KDSR: variants seen among roughly 807,000 people sequenced by gnomAD.
KDSR encodes the protein 3-ketodihydrosphingosine reductase, also known as 3-dehydrosphinganine reductase.
In KDSR, 23 loss-of-function variants were observed where a neutral mutation model predicts 41.3. The ratio of observed to expected loss-of-function variants is 0.56; its 90% CI spans 0.40 to 0.79. The LOEUF is 0.79. Ranked by LOEUF, KDSR falls within the 30% of genes least tolerant of loss-of-function variation. The pLI, the probability that KDSR is intolerant of heterozygous loss-of-function variation, is 0.00. For synonymous variants in KDSR, 138 were observed against 151.7 expected, an observed-to-expected ratio of 0.91 and a Z score of 0.66; for missense variants, 351 against 416.8, an observed-to-expected ratio of 0.84 and a Z score of 1.37.
In KDSR at chr18:63,329,397, A is replaced by G. The variant is rs1913905489; in HGVS notation, c.*2385T>C. The stretch of plus-strand genomic sequence containing the variant: ...TGAAGTAGCATAAATATAAAGTACA[A>G]TACTCTCACATCAGTTCAAGTCAGA... On this transcript the variant is annotated 3_prime_UTR_variant, in exon 10 of 10. Transcript: ENST00000645214. 1 of 209,154 alleles carries G rather than the reference A, an allele frequency of 4.8e-6. No individual in the cohort carries two copies. Among genetic ancestry groups the G allele is most frequent in the Non-Finnish European group, 9.7e-6 (1 of 102,808 alleles). 13.0% of individuals were successfully genotyped at this position (209,154 alleles called of 1,614,324 possible).
chr18:63,357,571 C>T (rs1317883539), intron 3 of KDSR, among the ~76,000 whole-genome samples: 12 of 128,600 alleles, frequency 9.3e-5, no homozygotes, highest in East Asian at 6.8e-4. Flanking sequence ...TACATACATA[C>T]ATATATATAT....
chr18:63,355,499 T>A lies in KDSR; in HGVS notation c.320A>T (p.Gln107Leu). 1 of 1,613,014 alleles carries A rather than the reference T, an allele frequency of 6.2e-7. No homozygotes were observed. Among genetic ancestry groups the A allele is most frequent in the Non-Finnish European group, 8.5e-7 (1 of 1,179,778 alleles). The change falls in exon 4 of 10, where the codon CAA (glutamine) becomes CTA (leucine). Residue 107 changes from glutamine to leucine, a missense_variant and splice_region_variant. Gln to Leu is a moderately radical substitution (Grantham distance 113). Coordinates refer to ENST00000645214, the MANE Select transcript of KDSR (RefSeq NM_002035.4). ...ATTCCAATTAGCCCAACCTCTTACT[T>A]GTTTTATGACATTCTCTACTTGGTT... ...DYNQVENVIK[Q>L]AQEKLGPVDM... is the part of the protein sequence containing the mutation.
rs540027389 is a variant in KDSR, at chr18:63,328,940, A to G, written c.*2842T>C. ...AGGCCAACATTTAAACTGAATGATA[A>G]TTAAACGTTTACTACCATAGGTAAT... is the stretch of plus-strand genomic sequence containing the variant. On this transcript the variant is annotated 3_prime_UTR_variant, in exon 10 of 10. Coordinates refer to ENST00000645214, the MANE Select transcript of KDSR (RefSeq NM_002035.4). The G allele has an allele frequency of 7.8e-5, 15 of 192,482 alleles. No homozygotes were observed. The East Asian group carries it at 1.2e-3, about 16-fold the overall frequency. 11.9% of individuals were successfully genotyped at this position (192,482 alleles called of 1,614,324 possible). A position where few individuals can be genotyped will look rare whatever the true frequency, so the allele number is the denominator to read the frequency against.
intron 1 of KDSR, among the ~76,000 whole-genome samples, chr18:63,365,169 C>T (rs998863882): frequency 2.0e-5 from 3 of 152,254 alleles, no homozygotes; most frequent in Admixed American, 6.5e-5. Context: ...CGCGATGGCT[C>T]GCGCCTGTAA....
chr18:63,339,277 G>C (rs1334525139), intron 7 of KDSR, among the ~76,000 whole-genome samples: 1 of 152,166 alleles, frequency 6.6e-6, no homozygotes, highest in African/African-American at 2.4e-5. Flanking sequence ...GAGCAAGCCT[G>C]CTCCCAAGAC....
chr18:63,355,392 T>C (rs1479211251), intron 4 of KDSR, 93 bp from the exon 5 acceptor site: 1 of 1,605,610 alleles, frequency 6.2e-7, no homozygotes, highest in Non-Finnish European at 8.5e-7. Flanking sequence ...TACAAAACTA[T>C]TAAACCTATA....
In KDSR at chr18:63,354,598, G is replaced by T. The variant is rs556815789; in HGVS notation, c.417+606C>A. Among the ~76,000 whole-genome samples the T allele has an allele frequency of 2.0e-5, 3 of 152,266 alleles. No homozygotes were observed. In the East Asian group the frequency reaches 5.8e-4, roughly 29 times the overall value. On this transcript the variant is annotated intron_variant, in intron 5 of 9. Transcript: ENST00000645214. ...CAGGAGAATCACTTGAACTTGAGAG[G>T]TGGAGGTTGCAGTGAGCTGAGATCA...
At chr18:63,339,780 T>C (rs561683698) in intron 7 of KDSR, among the ~76,000 whole-genome samples, 1 of 152,314 alleles carries the variant, frequency 6.6e-6, no homozygotes, top group East Asian at 1.9e-4. Context: ...TGCTCAAAAA[T>C]TATTTCAGTT....
At chr18:63,355,601 G>T (rs747205492) in intron 3 of KDSR, 38 bp from the exon 4 acceptor site, 1 of 1,526,626 alleles carries the variant, frequency 6.6e-7, no homozygotes, top group Non-Finnish European at 8.7e-7. Context: ...AGTTTTGCAG[G>T]TACCAAACTA....
At chr18:63,338,959 C>T (rs999563861) in intron 7 of KDSR, 76 bp from the exon 8 acceptor site, 1 of 829,000 alleles carries the variant, frequency 1.2e-6, no homozygotes, top group Admixed American at 2.8e-5. Context: ...CTTACAGCCT[C>T]CTGATTTACA....
intron 2 of KDSR, 44 bp from the exon 3 acceptor site, chr18:63,359,836 G>T: frequency 2.3e-6 from 3 of 1,311,538 alleles, no homozygotes; most frequent in Non-Finnish European, 3.3e-6. Context: ...CCGTCTATAT[G>T]CATGTCCGTT....
At position 63,338,869 on chromosome 18, in the gene KDSR, T is replaced by C; in HGVS notation, c.708A>G (p.Arg236=). The part of the protein sequence containing the change: ...EENRTKPLET[R]LISETTSVCK... ...ACACAGATGTGGTCTCTGAAATAAGTCGAGTCTCCAAAGGCTAAAAGTGGA... is the reference window on the plus strand; with the variant it reads ...ACACAGATGTGGTCTCTGAAATAAGCCGAGTCTCCAAAGGCTAAAAGTGGA... The change falls in exon 8 of 10, where the codon CGA becomes CGG. Residue 236 remains arginine (R), a synonymous_variant. Coordinates refer to ENST00000645214, the MANE Select transcript of KDSR (RefSeq NM_002035.4). The C allele has an allele frequency of 6.2e-7, 1 of 1,605,526 alleles. No individual in the cohort carries two copies. The highest frequency in any genetic ancestry group is 1.7e-4 in the Middle Eastern group (1 of 6,038).
chr18:63,343,946 G>A (rs1275694805), intron 7 of KDSR, among the ~76,000 whole-genome samples: 1 of 152,168 alleles, frequency 6.6e-6, no homozygotes, highest in Non-Finnish European at 1.5e-5. Flanking sequence ...GGAGGCTGAG[G>A]AGGGAGGATC....
In KDSR at chr18:63,352,388, C is replaced by A. The variant is rs561641446; in HGVS notation, c.418-1309G>T. Among the ~76,000 whole-genome samples, 5 of 152,266 alleles carry A rather than the reference C, an allele frequency of 3.3e-5. No homozygotes were observed. In the East Asian group the frequency reaches 9.7e-4, roughly 29 times the overall value. ...GGAGTACAGTGGTGTGATCTTGGCTCACTGTAACCTCTGCCTCCTGGGTTC... is the reference window on the plus strand; with the variant it reads ...GGAGTACAGTGGTGTGATCTTGGCTAACTGTAACCTCTGCCTCCTGGGTTC... On this transcript the variant is annotated intron_variant, in intron 5 of 9. Coordinates refer to ENST00000645214, the MANE Select transcript of KDSR (RefSeq NM_002035.4).
In KDSR at chr18:63,328,443, C is replaced by T. The variant is rs921701605; in HGVS notation, c.*3339G>A. 4 of 155,522 alleles carry T rather than the reference C, an allele frequency of 2.6e-5. No homozygotes were observed. The Admixed American group carries it at 2.6e-4, about 10-fold the overall frequency. 9.6% of individuals were successfully genotyped at this position (155,522 alleles called of 1,614,324 possible). The stretch of plus-strand genomic sequence containing the variant: ...TCTTGGCTCACTGCAACCTCTGCCT[C>T]CTGGGTTCAAGCGATTCTCCTGCCT... On this transcript the variant is annotated 3_prime_UTR_variant, in exon 10 of 10. Coordinates refer to ENST00000645214, the MANE Select transcript of KDSR (RefSeq NM_002035.4).
intron 6 of KDSR, among the ~76,000 whole-genome samples, chr18:63,349,261 T>C (rs1914597548): frequency 6.6e-6 from 1 of 152,136 alleles, no homozygotes; most frequent in South Asian, 2.1e-4. Flanking sequence ...TGTGCACTTG[T>C]GGTCTTAGCT....
intron 3 of KDSR, among the ~76,000 whole-genome samples, chr18:63,358,151 C>T (rs1046840471): frequency 6.6e-6 from 1 of 151,652 alleles, no homozygotes; most frequent in Admixed American, 6.6e-5. Flanking sequence ...GGCAACAGAG[C>T]GAGACTCCAT....
At chr18:63,362,720 T>C (rs1187155087) in intron 2 of KDSR, 59 bp downstream of exon 2, 6 of 1,173,670 alleles carry the variant, frequency 5.1e-6, no homozygotes, top group Non-Finnish European at 7.6e-6. Context: ...TAGCACAGCC[T>C]CTTTGACTAA....
At chr18:63,342,439 A>G (rs1042729775) in intron 7 of KDSR, among the ~76,000 whole-genome samples, 3 of 152,224 alleles carry the variant, frequency 2.0e-5, no homozygotes, top group Non-Finnish European at 4.4e-5. Flanking sequence ...GGACGACCCC[A>G]GGAGAAATGT....
Sources: gnomAD v4.1 joint callset for allele counts (sites outside exome capture counted in the v4.1 genomes callset) on GRCh38, gnomAD v4.1.1 for gene constraint, MANE v1.5 for transcripts, NCBI Gene and HGNC (gene_info 2026-07-23, HGNC 2026-07-21) for gene names.